Variants in AGBL4 observed in about 807,000 individuals in gnomAD.
The protein encoded by AGBL4 is cytosolic carboxypeptidase 6.
A neutral mutation model predicts 66.4 loss-of-function variants in AGBL4; 58 were observed. The ratio of observed to expected loss-of-function variants is 0.87; its 90% CI spans 0.71 to 1.09. The LOEUF is 1.09. Ranked by LOEUF, AGBL4 falls within the 50% of genes least tolerant of loss-of-function variation. The probability of loss-of-function intolerance (pLI) is 0.00; values close to 1 mark genes in which losing one functional copy is unlikely to be tolerated. For synonymous variants in AGBL4, 234 were observed against 222.9 expected (o/e 1.05, Z -0.44); for missense variants, 579 against 631.0 (o/e 0.92, Z 0.88).
At chr1:48,717,816 T>G (rs1408465876) in intron 6 of AGBL4, among the ~76,000 whole-genome samples, 1 of 152,210 alleles carries the variant, frequency 6.6e-6, no homozygotes, top group Non-Finnish European at 1.5e-5. Flanking sequence ...ATCTTGACCC[T>G]CTCCCTTTTT....
In AGBL4 at chr1:48,987,056, C is replaced by T. The variant is rs181651679; in HGVS notation, c.594+58528G>A. ...ACCAACAAAGGAAATAAAATGAAAC[C>T]GTAAACATATTCAAAGAATACTCCA... On this transcript the variant is annotated intron_variant, in intron 5 of 13. Coordinates refer to ENST00000371839, the MANE Select transcript of AGBL4 (RefSeq NM_032785.4). Among the ~76,000 whole-genome samples the T allele has an allele frequency of 1.2e-3, 177 of 151,580 alleles. 1 individual carries two copies. Among genetic ancestry groups the T allele is most frequent in the African/African-American group, 4.1e-3 (170 of 41,406 alleles).
At chr1:48,767,436 G>C (rs1644585442) in intron 6 of AGBL4, among the ~76,000 whole-genome samples, 1 of 152,180 alleles carries the variant, frequency 6.6e-6, no homozygotes, top group Non-Finnish European at 1.5e-5. Context: ...GAGACATGAT[G>C]AAAGAGATGT....
In AGBL4 at chr1:48,736,930, T is replaced by A. The variant is rs1433661011; in HGVS notation, c.635-73689A>T. On this transcript the variant is annotated intron_variant, in intron 6 of 13. Transcript: ENST00000371839. The surrounding 1 kb of genome is among the most constrained non-coding windows in gnomAD (Gnocchi z 4.0). ...TGTGAACATTCTGGGACATATACCT[T>A]CCTAGTATGGTGGTTCTCAACCTTG... 6.6e-6 allele frequency among the ~76,000 whole-genome samples: 1 copy of A among 152,172 alleles called. No individual in the cohort carries two copies. The highest frequency in any genetic ancestry group is 1.9e-4 in the East Asian group (1 of 5,200).
chr1:49,500,688 T>A (rs1178360156), intron 3 of AGBL4, among the ~76,000 whole-genome samples: 2 of 152,098 alleles, frequency 1.3e-5, no homozygotes, highest in South Asian at 2.1e-4. Flanking sequence ...CAGTTGACTA[T>A]AAGTATTTGT....
chr1:49,479,780 C>T (rs1440147316), intron 3 of AGBL4, among the ~76,000 whole-genome samples: 2 of 150,732 alleles, frequency 1.3e-5, no homozygotes, highest in Admixed American at 6.6e-5. Context: ...CAGCTCACTG[C>T]AAGCTCCGCC....
chr1:49,604,378 T>C (rs1434857866), intron 3 of AGBL4, among the ~76,000 whole-genome samples: 1 of 152,242 alleles, frequency 6.6e-6, no homozygotes, highest in Non-Finnish European at 1.5e-5. Context: ...ATATGTTCTT[T>C]TGAGAACTAT....
At chr1:49,444,705 G>T (rs1268641787) in intron 3 of AGBL4, among the ~76,000 whole-genome samples, 1 of 151,908 alleles carries the variant, frequency 6.6e-6, no homozygotes, top group Non-Finnish European at 1.5e-5. Context: ...GCATATAGTT[G>T]GATCAGGTTT....
chr1:49,047,592 G>A (rs1379363034), intron 4 of AGBL4, among the ~76,000 whole-genome samples: 1 of 152,148 alleles, frequency 6.6e-6, no homozygotes, highest in Non-Finnish European at 1.5e-5. Context: ...CTTGGAAGTT[G>A]CATGAGGAGT....
chr1:48,743,736 C>T, intron 6 of AGBL4, among the ~76,000 whole-genome samples: 1 of 152,182 alleles, frequency 6.6e-6, no homozygotes, highest in South Asian at 2.1e-4. Context: ...ATGTGGACAA[C>T]TGGGTACAAA....
intron 6 of AGBL4, among the ~76,000 whole-genome samples, chr1:48,690,418 G>A (rs919160212): frequency 6.6e-6 from 1 of 152,084 alleles, no homozygotes; most frequent in Non-Finnish European, 1.5e-5. Flanking sequence ...ATTAAACCAG[G>A]GGAAAGATTA....
At chr1:49,611,370 T>C (rs1284939543) in intron 3 of AGBL4, among the ~76,000 whole-genome samples, 2 of 143,748 alleles carry the variant, frequency 1.4e-5, no homozygotes, top group Non-Finnish European at 3.1e-5. Context: ...GTATCAACCA[T>C]ATTCTTTTTT....
At chr1:49,535,231 A>G (rs1372981091) in intron 3 of AGBL4, among the ~76,000 whole-genome samples, 2 of 151,824 alleles carry the variant, frequency 1.3e-5, no homozygotes, top group African/African-American at 4.8e-5. Context: ...GGGAAAGGAT[A>G]TATTAGTCAA....
chr1:48,827,991 A>G (rs995219052), intron 6 of AGBL4, among the ~76,000 whole-genome samples: 1 of 109,484 alleles, frequency 9.1e-6, no homozygotes, highest in African/African-American at 3.1e-5. Context: ...GTCTCTACTA[A>G]AAATACACAC....
At chr1:49,803,873 T>C (rs1307183028) in intron 2 of AGBL4, among the ~76,000 whole-genome samples, 1 of 152,222 alleles carries the variant, frequency 6.6e-6, no homozygotes, top group Non-Finnish European at 1.5e-5. Flanking sequence ...TTAACACTTC[T>C]GATTTTTTTG....
At chr1:48,933,120 T>A (rs955317759) in intron 5 of AGBL4, among the ~76,000 whole-genome samples, 1 of 152,194 alleles carries the variant, frequency 6.6e-6, no homozygotes, top group Non-Finnish European at 1.5e-5. Flanking sequence ...CTCCTTTCTA[T>A]AAAATAGAGT....
chr1:49,849,224 CAG>C (rs1227520797), intron 2 of AGBL4, among the ~76,000 whole-genome samples: 1 of 151,946 alleles, frequency 6.6e-6, no homozygotes, highest in Non-Finnish European at 1.5e-5. Context: ...ACCAGCCTGG[CAG>C]AGTGCATATG....
chr1:49,918,407 A>G (rs1651811866), intron 1 of AGBL4, among the ~76,000 whole-genome samples: 1 of 152,232 alleles, frequency 6.6e-6, no homozygotes, highest in South Asian at 2.1e-4. Flanking sequence ...AGGGGATATC[A>G]CCACCGATCC....
intron 3 of AGBL4, among the ~76,000 whole-genome samples, chr1:49,285,666 C>A (rs1644387723): frequency 6.6e-6 from 1 of 152,032 alleles, no homozygotes; most frequent in South Asian, 2.1e-4. Context: ...TCAAATAGAA[C>A]AATAAAAAAT....
intron 3 of AGBL4, among the ~76,000 whole-genome samples, chr1:49,501,654 A>G (rs1648166669): frequency 6.6e-6 from 1 of 151,238 alleles, no homozygotes; most frequent in African/African-American, 2.4e-5. Flanking sequence ...TTATATTTTT[A>G]TCTTTATTAT....
Sources: gnomAD v4.1 joint callset for allele counts (sites outside exome capture counted in the v4.1 genomes callset) on GRCh38, gnomAD v4.1.1 for gene constraint, Gnocchi (gnomAD v3.1) non-coding constraint, MANE v1.5 for transcripts, NCBI Gene and HGNC (gene_info 2026-07-23, HGNC 2026-07-21) for gene names.